CCNB3: variants seen among roughly 807,000 people sequenced by gnomAD.
CCNB3 encodes the protein cyclin B3.
CCNB3 carries 12 observed loss-of-function variants against 68.0 expected under a neutral mutation model. The ratio of observed to expected loss-of-function variants is 0.18; its 90% CI spans 0.11 to 0.29. CCNB3 has a LOEUF of 0.29. Among genes scored for constraint, CCNB3 ranks in the 10% least tolerant of loss-of-function variants. CCNB3 has a pLI of 1.00. For synonymous variants in CCNB3, 354 were observed against 388.9 expected (o/e 0.91, Z 1.06); for missense variants, 904 against 993.1 (o/e 0.91, Z 1.21).
intron 9 of CCNB3, among the ~76,000 whole-genome samples, chrX:50,343,073 C>T (rs1258074789): frequency 9.0e-6 from 1 of 111,132 alleles, no homozygotes; most frequent in Non-Finnish European, 1.9e-5. Flanking sequence ...CTCAGGATGT[C>T]CTTCGGGAGG....
rs1203811413 is a variant in CCNB3, at chrX:50,310,851, G to A, written c.2682G>A (p.Glu894=). Residue 894 remains glutamate (E), a synonymous_variant, in exon 6 of 13, where the codon GAG becomes GAA. Coordinates refer to ENST00000376042, the MANE Select transcript of CCNB3 (RefSeq NM_033031.3). ...PSTEKETIFK[E]SLDLQEKPSI... is the part of the protein sequence containing the mutation. The stretch of plus-strand genomic sequence containing the variant: ...CTGAGAAGGAGACCATCTTCAAGGA[G>A]TCTTTGGACTTGCAAGAGAAGCCCA... 2 of 1,210,289 alleles carry A rather than the reference G, an allele frequency of 1.7e-6. No homozygotes were observed. The highest frequency in any genetic ancestry group is 3.5e-5 in the African/African-American group (2 of 57,290).
intron 1 of CCNB3, among the ~76,000 whole-genome samples, chrX:50,224,630 C>A (rs895533540): frequency 5.4e-5 from 6 of 111,674 alleles, no homozygotes; most frequent in Non-Finnish European, 7.5e-5. Flanking sequence ...AGACCTTTTC[C>A]TCTCATGACT....
chrX:50,297,707 T>C (rs1557211464), intron 5 of CCNB3, among the ~76,000 whole-genome samples: 1 of 111,896 alleles, frequency 8.9e-6, no homozygotes, highest in African/African-American at 3.2e-5. Context: ...ATTGAATCTC[T>C]AAATTACCTT....
At chrX:50,225,896 G>A (rs1935748129) in intron 1 of CCNB3, among the ~76,000 whole-genome samples, 1 of 102,691 alleles carries the variant, frequency 9.7e-6, no homozygotes, top group South Asian at 4.3e-4. Context: ...GGAGTTTAGG[G>A]CCAGCTTTTA....
Position 50,310,685 on chromosome X carries a change from C to G in CCNB3, c.2516C>G (p.Thr839Ser). Reference sequence around the variant, plus strand: ...TTGGCCTTGCAGGAGGAGCCCAGCACTGAGAAGGAGGCTGTCCTCAAGGAG... The same window carrying G: ...TTGGCCTTGCAGGAGGAGCCCAGCAGTGAGAAGGAGGCTGTCCTCAAGGAG... ...EPLALQEEPS[T>S]EKEAVLKEPS... Residue 839 changes from threonine (T) to serine (S), a missense_variant, in exon 6 of 13, where the codon ACT (threonine) becomes AGT (serine). By Grantham distance (58) the Thr-to-Ser change is moderately conservative. Around this residue, in one of 2 missense-constraint regions of CCNB3, gnomAD observed 619 missense variants for 609.8 expected, o/e 1.02. Transcript: ENST00000376042. 2 of 1,208,092 alleles carry G rather than the reference C, an allele frequency of 1.7e-6. No individual in the cohort carries two copies. Among genetic ancestry groups the G allele is most frequent in the Non-Finnish European group, 2.2e-6 (2 of 894,221 alleles).
intron 4 of CCNB3, among the ~76,000 whole-genome samples, chrX:50,292,788 C>T (rs1490538675): frequency 5.4e-5 from 6 of 111,237 alleles, no homozygotes; most frequent in South Asian, 3.8e-4. Context: ...ATCTCACTAA[C>T]GTGTCCTTGT....
intron 1 of CCNB3, among the ~76,000 whole-genome samples, chrX:50,213,054 C>G (rs1256173451): frequency 8.9e-6 from 1 of 112,044 alleles, no homozygotes; most frequent in Non-Finnish European, 1.9e-5. Flanking sequence ...TTCCCAGATG[C>G]TAGCCAAAGG....
At chrX:50,209,624 G>C (rs1404862033) in intron 1 of CCNB3, among the ~76,000 whole-genome samples, 1 of 112,083 alleles carries the variant, frequency 8.9e-6, no homozygotes, top group Middle Eastern at 4.2e-3. Flanking sequence ...CCAAAGTGTC[G>C]GGATTACAGG....
chrX:50,228,316 G>T (rs1224398702), intron 1 of CCNB3, among the ~76,000 whole-genome samples: 1 of 80,400 alleles, frequency 1.2e-5, no homozygotes, highest in African/African-American at 4.5e-5. Context: ...GAATATATAT[G>T]AATACATATA....
At chrX:50,280,178 T>C (rs1461991954) in intron 1 of CCNB3, among the ~76,000 whole-genome samples, 3 of 88,381 alleles carry the variant, frequency 3.4e-5, no homozygotes, top group East Asian at 3.5e-4. Flanking sequence ...ATAGAATATA[T>C]ATATAAATAT....
Position 50,310,057 on chromosome X carries a change from A to T in CCNB3, c.1888A>T (p.Thr630Ser). ...GTTGCCCTTTAAGATGAAATCTACAACGGAAGAAAAGTTCCTCTCCCAGGA... is the reference window on the plus strand; with the variant it reads ...GTTGCCCTTTAAGATGAAATCTACATCGGAAGAAAAGTTCCTCTCCCAGGA... ...KLLPFKMKST[T>S]EEKFLSQEPS... The change falls in exon 6 of 13, where the codon ACG becomes TCG. Residue 630 changes from threonine (T) to serine (S), a missense_variant. Around this residue, in one of 2 missense-constraint regions of CCNB3, gnomAD observed 619 missense variants for 609.8 expected, o/e 1.02. Coordinates refer to ENST00000376042, the MANE Select transcript of CCNB3 (RefSeq NM_033031.3). 8.3e-7 allele frequency: 1 copy of T among 1,209,735 alleles called. No homozygotes were observed. Among genetic ancestry groups the T allele is most frequent in the Non-Finnish European group, 1.1e-6 (1 of 893,983 alleles).
intron 1 of CCNB3, among the ~76,000 whole-genome samples, chrX:50,214,475 C>CTTATATATATATATATATATATATATAT (rs1485494368): frequency 1.1e-4 from 1 of 9,467 alleles, no homozygotes; most frequent in Admixed American, 2.6e-3. Context: ...AGCTGTGGCC[C>CTTATATATATATATATATATATATATAT]ATATATATAT....
chrX:50,226,476 TAAATATATATAGAATATATAA>T (rs1935809430), intron 1 of CCNB3, among the ~76,000 whole-genome samples: 3 of 67,018 alleles, frequency 4.5e-5, no homozygotes, highest in African/African-American at 1.2e-4. Flanking sequence ...AGAATATATA[TAAATATATATAGAATATATAA>T]AAATATATAT....
At chrX:50,319,730 T>C (rs967366718) in intron 8 of CCNB3, among the ~76,000 whole-genome samples, 41 of 112,114 alleles carry the variant, frequency 3.7e-4, no homozygotes, top group African/African-American at 1.3e-3. Flanking sequence ...TAGTGTGATT[T>C]TAGCTGTAGG....
chrX:50,279,677 C>T (rs966956434), intron 1 of CCNB3, among the ~76,000 whole-genome samples: 2 of 81,076 alleles, frequency 2.5e-5, no homozygotes, highest in East Asian at 3.3e-4. Context: ...TGAATATGTA[C>T]ATTCATCTAT....
chrX:50,281,487 G>C (rs911122585), intron 1 of CCNB3, among the ~76,000 whole-genome samples: 2 of 111,438 alleles, frequency 1.8e-5, no homozygotes, highest in Non-Finnish European at 3.8e-5. Context: ...GTCCGGCTCT[G>C]TCGCCTGCCA....
At chrX:50,334,555 G>A (rs1922754884) in intron 8 of CCNB3, among the ~76,000 whole-genome samples, 1 of 112,532 alleles carries the variant, frequency 8.9e-6, no homozygotes, top group South Asian at 3.7e-4. Context: ...CCAGACTTTG[G>A]AAACCCCATC....
chrX:50,227,656 A>G (rs927363251), intron 1 of CCNB3, among the ~76,000 whole-genome samples: 1 of 93,205 alleles, frequency 1.1e-5, no homozygotes, highest in African/African-American at 3.8e-5. Context: ...GAGAATATAT[A>G]TAAAAATATA....
At chrX:50,286,811 A>G (rs1936247812) in intron 3 of CCNB3, among the ~76,000 whole-genome samples, 1 of 109,765 alleles carries the variant, frequency 9.1e-6, no homozygotes, top group East Asian at 2.9e-4. Flanking sequence ...CACCGCGCCC[A>G]GCTAATTTTT....
Sources: allele counts gnomAD v4.1 joint callset (sites outside exome capture counted in the v4.1 genomes callset), GRCh38; gene constraint gnomAD v4.1.1; regional missense constraint gnomAD v4.1.1; transcripts MANE v1.5; gene names NCBI Gene and HGNC (gene_info 2026-07-23, HGNC 2026-07-21).